UGGT2: variants seen among roughly 807,000 people sequenced by gnomAD.
UGGT2 encodes the protein UDP-glucose glycoprotein glucosyltransferase 2.
UGGT2 carries 180 observed loss-of-function variants against 192.1 expected under a neutral mutation model. That is an observed-to-expected ratio of 0.94 (90% CI 0.83 to 1.06). UGGT2 has a LOEUF of 1.06. Among genes scored for constraint, UGGT2 ranks in the 50% least tolerant of loss-of-function variants. UGGT2 has a pLI of 0.00. For missense variants in UGGT2, 1,849 were observed against 1,795.7 expected (o/e 1.03, Z -0.54); for synonymous variants, 580 against 591.0 (o/e 0.98, Z 0.27).
At chr13:96,040,239 G>C (rs1261792960) in intron 1 of UGGT2, among the ~76,000 whole-genome samples, 1 of 152,156 alleles carries the variant, frequency 6.6e-6, no homozygotes, top group Non-Finnish European at 1.5e-5. Context: ...CAATTCTGGA[G>C]GCCAGAAGTC....
At chr13:95,919,001 C>G (rs1459842441) in intron 20 of UGGT2, among the ~76,000 whole-genome samples, 6 of 152,218 alleles carry the variant, frequency 3.9e-5, no homozygotes, top group Admixed American at 3.9e-4. Flanking sequence ...AATTCAGCAG[C>G]ACATAAAAAA....
intron 20 of UGGT2, among the ~76,000 whole-genome samples, chr13:95,924,054 T>C (rs2048935490): frequency 6.6e-6 from 1 of 152,220 alleles, no homozygotes. Context: ...GATAGCATTT[T>C]GGGATCCAAA....
chr13:95,835,225 T>C (rs963044541), intron 37 of UGGT2, among the ~76,000 whole-genome samples: 1 of 152,036 alleles, frequency 6.6e-6, no homozygotes, highest in Non-Finnish European at 1.5e-5. Flanking sequence ...CAGTTACAGG[T>C]GGACAAAAAG....
intron 24 of UGGT2, among the ~76,000 whole-genome samples, chr13:95,892,983 T>G (rs549861165): frequency 7.4e-4 from 113 of 152,284 alleles, no homozygotes; most frequent in African/African-American, 2.6e-3. Context: ...ATTTTTGCCT[T>G]TGTCTAAGAT....
intron 17 of UGGT2, among the ~76,000 whole-genome samples, chr13:95,933,848 AT>A (rs200727127): frequency 0.016 from 2,373 of 151,554 alleles, 25 homozygotes; most frequent in Middle Eastern, 0.041. Context: ...GGCCCAGCTA[AT>A]TTTTTTTTGT....
At chr13:95,922,060 T>C (rs2048861055) in intron 20 of UGGT2, among the ~76,000 whole-genome samples, 1 of 152,148 alleles carries the variant, frequency 6.6e-6, no homozygotes, top group Non-Finnish European at 1.5e-5. Context: ...ATAAAGAAAA[T>C]GTGACTCATA....
chr13:95,906,214 TAC>T (rs2048286349), intron 20 of UGGT2, among the ~76,000 whole-genome samples: 3 of 152,334 alleles, frequency 2.0e-5, no homozygotes, highest in Admixed American at 2.0e-4. Flanking sequence ...ATATTTTTCA[TAC>T]TATTGTAAAC....
At chr13:95,808,029 T>A (rs554022188) in intron 38 of UGGT2, among the ~76,000 whole-genome samples, 1 of 152,214 alleles carries the variant, frequency 6.6e-6, no homozygotes, top group Non-Finnish European at 1.5e-5. Context: ...GAATTACAGA[T>A]GTTGAGTTTG....
chr13:95,843,743 T>A (rs2139967423), intron 36 of UGGT2, among the ~76,000 whole-genome samples: 1 of 152,206 alleles, frequency 6.6e-6, no homozygotes, highest in Admixed American at 6.5e-5. Context: ...CTCCACTGCA[T>A]TATCTTTGCA....
chr13:96,014,603 T>TCTC (rs2052269260), intron 4 of UGGT2, among the ~76,000 whole-genome samples: 2 of 152,156 alleles, frequency 1.3e-5, no homozygotes. Flanking sequence ...AATAGAATCT[T>TCTC]AACCCCAAAT....
intron 20 of UGGT2, 77 bp from the exon 21 acceptor site, chr13:95,903,137 C>A (rs1475836681): frequency 4.3e-6 from 6 of 1,404,638 alleles, no homozygotes; most frequent in Non-Finnish European, 4.8e-6. Flanking sequence ...TCTTTCCCAT[C>A]CAGTTTGTTC....
At chr13:96,048,989 A>G (rs1292038153) in intron 1 of UGGT2, among the ~76,000 whole-genome samples, 7 of 152,074 alleles carry the variant, frequency 4.6e-5, no homozygotes, top group African/African-American at 1.7e-4. Flanking sequence ...TTATAAGGCC[A>G]GCATCATCCT....
intron 22 of UGGT2, among the ~76,000 whole-genome samples, chr13:95,900,036 C>A (rs1047897126): frequency 1.3e-5 from 2 of 152,004 alleles, no homozygotes; most frequent in African/African-American, 4.8e-5. Flanking sequence ...AACCTAAGCA[C>A]CAGATTCAGT....
chr13:95,960,840 C>T (rs2050368061), intron 12 of UGGT2, among the ~76,000 whole-genome samples: 1 of 152,132 alleles, frequency 6.6e-6, no homozygotes, highest in Admixed American at 6.5e-5. Context: ...CAGCAGATTT[C>T]TCCACAGAAA....
chr13:95,885,507 C>A (rs927986141), intron 26 of UGGT2, among the ~76,000 whole-genome samples: 1 of 152,164 alleles, frequency 6.6e-6, no homozygotes, highest in Non-Finnish European at 1.5e-5. Context: ...AGAATGTCAG[C>A]AAGACAAAAG....
chr13:95,954,200 T>C (rs1162755466), intron 12 of UGGT2, among the ~76,000 whole-genome samples: 2 of 152,176 alleles, frequency 1.3e-5, no homozygotes, highest in Admixed American at 1.3e-4. Flanking sequence ...ACATGAAACA[T>C]AAATAACTTT....
At chr13:96,000,587 A>G (rs762203182) in intron 5 of UGGT2, among the ~76,000 whole-genome samples, 8 of 152,246 alleles carry the variant, frequency 5.3e-5, no homozygotes, top group African/African-American at 1.7e-4. Flanking sequence ...TTAAAACTAC[A>G]TTTTGAATAT....
intron 10 of UGGT2, among the ~76,000 whole-genome samples, chr13:95,977,396 G>A (rs1475814622): frequency 3.3e-5 from 5 of 152,142 alleles, no homozygotes; most frequent in African/African-American, 9.7e-5. Context: ...CGAAGGATAT[G>A]AACAGACACT....
chr13:95,963,949 ATC>A (rs1225975245), intron 12 of UGGT2, among the ~76,000 whole-genome samples: 1 of 152,176 alleles, frequency 6.6e-6, no homozygotes, highest in African/African-American at 2.4e-5. Flanking sequence ...ATTCAATGCA[ATC>A]TCTATTAAGA....
Sources: gnomAD v4.1 joint callset for allele counts (sites outside exome capture counted in the v4.1 genomes callset) on GRCh38, gnomAD v4.1.1 for gene constraint, MANE v1.5 for transcripts, NCBI Gene and HGNC (gene_info 2026-07-23, HGNC 2026-07-21) for gene names.